Variants in RCOR1 observed in about 807,000 individuals in gnomAD.
RCOR1 encodes REST corepressor 1, also known as REST corepressor.
In RCOR1, 12 loss-of-function variants were observed where a neutral mutation model predicts 64.0. The ratio of observed to expected loss-of-function variants is 0.19; its 90% CI spans 0.12 to 0.30. The LOEUF (loss-of-function observed/expected upper bound fraction) is 0.30, where lower values mean the gene tolerates loss of function less well. RCOR1 is among the 10% of genes least tolerant of loss of function. The pLI is 1.00. For missense variants in RCOR1, 502 were observed against 621.2 expected (o/e 0.81, Z 2.04); for synonymous variants, 279 against 227.2 (o/e 1.23, Z -2.05).
At chr14:102,720,979 A>G in intron 8 of RCOR1, 28 bp from the exon 9 acceptor site, 1 of 1,273,722 alleles carries the variant, frequency 7.9e-7, no homozygotes, top group Non-Finnish European at 1.1e-6. Context: ...TTTTATTTTT[A>G]AAATGAAAAT....
intron 3 of RCOR1, among the ~76,000 whole-genome samples, chr14:102,682,432 C>CTGTTCCATTTTTGAACA (rs1266080119): frequency 2.0e-5 from 3 of 152,198 alleles, no homozygotes; most frequent in South Asian, 4.1e-4. Flanking sequence ...GCCCTGTGAT[C>CTGTTCCATTTTTGAACA]TGTTCCATTT....
At chr14:102,670,755 A>ATT (rs1555465242) in intron 2 of RCOR1, among the ~76,000 whole-genome samples, 39 of 148,806 alleles carry the variant, frequency 2.6e-4, no homozygotes, top group African/African-American at 6.2e-4. Flanking sequence ...ATATATATAT[A>ATT]TATTTATTTA....
intron 2 of RCOR1, among the ~76,000 whole-genome samples, chr14:102,676,971 A>C (rs1317701259): frequency 1.0e-4 from 8 of 79,846 alleles, no homozygotes; most frequent in Admixed American, 2.4e-4. Context: ...ACTTCCCAGT[A>C]GGGGCGGCCG....
chr14:102,676,527 C>T (rs1397219455), intron 2 of RCOR1, among the ~76,000 whole-genome samples: 1 of 73,498 alleles, frequency 1.4e-5, no homozygotes, highest in Non-Finnish European at 2.7e-5. Context: ...ACCTCCCTCC[C>T]GGACGGGGCG....
chr14:102,629,597 A>T (rs1894063823), intron 2 of RCOR1, among the ~76,000 whole-genome samples: 1 of 152,154 alleles, frequency 6.6e-6, no homozygotes, highest in African/African-American at 2.4e-5. Context: ...AGGTATACAA[A>T]GTATAGGTGT....
chr14:102,665,972 A>G (rs912979427), intron 2 of RCOR1, among the ~76,000 whole-genome samples: 2 of 152,232 alleles, frequency 1.3e-5, no homozygotes, highest in African/African-American at 4.8e-5. Flanking sequence ...TATGCAAATC[A>G]TTAATGACAA....
chr14:102,630,643 T>C (rs1894092386), intron 2 of RCOR1, among the ~76,000 whole-genome samples: 2 of 152,134 alleles, frequency 1.3e-5, no homozygotes, highest in Admixed American at 6.5e-5. Context: ...GATCTGAAGG[T>C]AATACCTCAT....
At chr14:102,698,139 T>TA (rs1329020084) in intron 3 of RCOR1, among the ~76,000 whole-genome samples, 1 of 152,262 alleles carries the variant, frequency 6.6e-6, no homozygotes, top group African/African-American at 2.4e-5. Context: ...GATCTACTGT[T>TA]ACTGTCTTGT....
intron 8 of RCOR1, among the ~76,000 whole-genome samples, chr14:102,718,280 G>C (rs887393675): frequency 6.6e-6 from 1 of 152,172 alleles, no homozygotes; most frequent in East Asian, 1.9e-4. Flanking sequence ...GCAGTATGAA[G>C]AGGAGGTGGG....
intron 2 of RCOR1, among the ~76,000 whole-genome samples, chr14:102,677,203 A>C (rs77119554): frequency 2.3e-5 from 2 of 87,636 alleles, no homozygotes; most frequent in Non-Finnish European, 4.7e-5. Flanking sequence ...CTGGCCGGGC[A>C]GGGGGCTGAC....
intron 2 of RCOR1, among the ~76,000 whole-genome samples, chr14:102,603,076 A>G (rs1893436411): frequency 6.7e-6 from 1 of 149,528 alleles, no homozygotes; most frequent in South Asian, 2.1e-4. Context: ...TTTTTTTAAG[A>G]CCTTTTTTTT....
At chr14:102,662,585 G>A (rs1002898642) in intron 2 of RCOR1, 8 of 455,606 alleles carry the variant, frequency 1.8e-5, no homozygotes, top group Non-Finnish European at 2.5e-5. Flanking sequence ...GGTGGGTGAT[G>A]TGTGGATCTT....
intron 4 of RCOR1, 24 bp downstream of exon 4, chr14:102,701,354 T>C: frequency 6.5e-7 from 1 of 1,542,570 alleles, no homozygotes; most frequent in Non-Finnish European, 8.7e-7. Flanking sequence ...TTTCTTTCTT[T>C]TGCTGTTAAA....
chr14:102,648,763 G>C (rs1024714926), intron 2 of RCOR1, among the ~76,000 whole-genome samples: 9 of 152,134 alleles, frequency 5.9e-5, no homozygotes, highest in African/African-American at 1.9e-4. Flanking sequence ...CTGACAGTGA[G>C]AATCTTGGTT....
At chr14:102,712,663 CTTT>C (rs80063348) in intron 7 of RCOR1, among the ~76,000 whole-genome samples, 3 of 109,342 alleles carry the variant, frequency 2.7e-5, no homozygotes, top group Non-Finnish European at 5.8e-5. Context: ...ATTGTTAAGG[CTTT>C]TTTTTTTTTT....
intron 2 of RCOR1, among the ~76,000 whole-genome samples, chr14:102,600,787 G>T (rs185242601): frequency 8.6e-5 from 13 of 151,508 alleles, no homozygotes; most frequent in Admixed American, 2.0e-4. Context: ...AGCCAGGATG[G>T]TCTCGATCTC....
At chr14:102,721,485 AGGCT>A in intron 10 of RCOR1, 108 bp downstream of exon 10, 1 of 722,216 alleles carries the variant, frequency 1.4e-6, no homozygotes, top group Non-Finnish European at 2.4e-6. Context: ...CAGGAGCTCA[AGGCT>A]GCATTGATCC....
chr14:102,606,904 G>GT (rs1428539853), intron 2 of RCOR1, among the ~76,000 whole-genome samples: 10 of 141,738 alleles, frequency 7.1e-5, no homozygotes, highest in African/African-American at 5.3e-5. Flanking sequence ...TTTTGTTTTT[G>GT]TTTTTTTGAT....
At chr14:102,681,736 C>T (rs189506904) in intron 2 of RCOR1, among the ~76,000 whole-genome samples, 159 bp from the exon 3 acceptor site, 14 of 152,348 alleles carry the variant, frequency 9.2e-5, no homozygotes, top group African/African-American at 2.9e-4. Flanking sequence ...AGCAGACTCT[C>T]GCCTCCCCCA....
Sources: gnomAD v4.1 joint callset for allele counts (sites outside exome capture counted in the v4.1 genomes callset) on GRCh38, gnomAD v4.1.1 for gene constraint, MANE v1.5 for transcripts, NCBI Gene and HGNC (gene_info 2026-07-23, HGNC 2026-07-21) for gene names.